The following ATP10B variants were observed in gnomAD, a reference collection of about 807,000 sequenced individuals.
ATP10B encodes ATPase phospholipid transporting 10B (putative).
In ATP10B, 122 loss-of-function variants were observed where a neutral mutation model predicts 141.2. The ratio of observed to expected loss-of-function variants is 0.86; its 90% CI spans 0.75 to 1.00. The LOEUF is 1.00. Among genes scored for constraint, ATP10B ranks in the 50% least tolerant of loss-of-function variants. The pLI is 0.00. For synonymous variants in ATP10B, 685 were observed against 692.0 expected, an observed-to-expected ratio of 0.99 and a Z score of 0.16; for missense variants, 1,876 against 1,825.3, an observed-to-expected ratio of 1.03 and a Z score of -0.51.
chr5:160,778,935 T>A (rs1002885323), intron 2 of ATP10B, among the ~76,000 whole-genome samples: 13 of 152,130 alleles, frequency 8.5e-5, no homozygotes, highest in Non-Finnish European at 1.6e-4. Context: ...AGTTCATCAC[T>A]TGCAAAAATG....
At chr5:160,783,303 C>T (rs1396390595) in intron 2 of ATP10B, among the ~76,000 whole-genome samples, 2 of 151,146 alleles carry the variant, frequency 1.3e-5, no homozygotes, top group African/African-American at 4.9e-5. Context: ...TTCACTTAGA[C>T]TAATAGTCTC....
the ATP10B span, among the ~76,000 whole-genome samples, chr5:160,894,749 C>T: frequency 2.6e-5 from 4 of 152,186 alleles, no homozygotes; most frequent in East Asian, 3.9e-4. Context: ...GATGCATAAT[C>T]GCCAGATTCA....
Position 160,622,334 on chromosome 5 carries a change from C to A in ATP10B, c.1812+60G>T, listed in dbSNP as rs930478551. The A allele has an allele frequency of 4.0e-6, 6 of 1,509,040 alleles. No homozygotes were observed. The Admixed American group carries it at 1.4e-4, about 35-fold the overall frequency. The allele number at this position is 1,509,040 out of a possible 1,614,324, so 93.5% of individuals were successfully genotyped here. A position where few individuals can be genotyped will look rare whatever the true frequency, so the allele number is the denominator to read the frequency against. The stretch of plus-strand genomic sequence containing the variant: ...ATCAGAACTTCTCCCCTCGCCCCTA[C>A]CCTGCCTTCTACTCCTCTACCTCCT... On this transcript the variant is annotated intron_variant, in intron 14 of 25. Transcript: ENST00000327245.
chr5:160,814,422 A>G (rs1183428423), intron 1 of ATP10B, among the ~76,000 whole-genome samples: 2 of 152,204 alleles, frequency 1.3e-5, no homozygotes, highest in African/African-American at 2.4e-5. Context: ...AAGTGAGAAG[A>G]GAAGTTTAGA....
intron 2 of ATP10B, among the ~76,000 whole-genome samples, chr5:160,769,412 T>G (rs1308787322): frequency 1.3e-5 from 2 of 152,216 alleles, no homozygotes; most frequent in Non-Finnish European, 2.9e-5. Flanking sequence ...CCCACACAAT[T>G]GCTCTATTAA....
chr5:160,797,874 T>G (rs1427503861), intron 1 of ATP10B, among the ~76,000 whole-genome samples: 1 of 150,644 alleles, frequency 6.6e-6, no homozygotes, highest in Non-Finnish European at 1.5e-5. Context: ...GAGAATCGCT[T>G]GAGCCCAGGA....
chr5:160,830,259 A>G (rs1774966084), intron 1 of ATP10B, among the ~76,000 whole-genome samples: 1 of 152,124 alleles, frequency 6.6e-6, no homozygotes. Flanking sequence ...ATATATGTTG[A>G]ATCAAATTGC....
At chr5:160,872,198 C>T in the ATP10B span, among the ~76,000 whole-genome samples, 8 of 152,074 alleles carry the variant, frequency 5.3e-5, no homozygotes, top group African/African-American at 1.9e-4. Flanking sequence ...CTTTTGAGAA[C>T]TGGCTATTCA....
At chr5:160,767,635 A>ACC (rs531198402) in intron 2 of ATP10B, among the ~76,000 whole-genome samples, 970 of 86,662 alleles carry the variant, frequency 0.011, 68 homozygotes, top group African/African-American at 0.035. Context: ...TGTGTGCAGA[A>ACC]CCCCCCCCCC....
chr5:160,729,732 AT>A, intron 2 of ATP10B, among the ~76,000 whole-genome samples: 1 of 152,284 alleles, frequency 6.6e-6, no homozygotes, highest in East Asian at 1.9e-4. Flanking sequence ...AGACACAGAG[AT>A]TTGAACTATA....
chr5:160,689,405 G>A (rs1450466786), intron 3 of ATP10B, among the ~76,000 whole-genome samples: 1 of 152,116 alleles, frequency 6.6e-6, no homozygotes, highest in East Asian at 1.9e-4. Flanking sequence ...AGAAATAAAG[G>A]TATTCGAATA....
At chr5:160,628,203 G>GA in intron 13 of ATP10B, among the ~76,000 whole-genome samples, 1 of 152,294 alleles carries the variant, frequency 6.6e-6, no homozygotes, top group East Asian at 1.9e-4. Flanking sequence ...TAAGCCCAAA[G>GA]AAAAAAACTC....
intron 13 of ATP10B, among the ~76,000 whole-genome samples, chr5:160,624,797 T>A (rs1164922853): frequency 6.6e-6 from 1 of 152,216 alleles, no homozygotes; most frequent in African/African-American, 2.4e-5. Context: ...CCTAGTGAGT[T>A]AGTGTAAAGC....
At chr5:160,834,927 T>C (rs914636099) in intron 1 of ATP10B, among the ~76,000 whole-genome samples, 9 of 152,146 alleles carry the variant, frequency 5.9e-5, no homozygotes, top group Non-Finnish European at 1.2e-4. Flanking sequence ...CAGATGTTTA[T>C]GCCTGCAACA....
chr5:160,565,790 CTCCAACTCT>C lies in ATP10B; in HGVS notation c.4040_4048del (p.Gln1347_Trp1349del). The C allele has an allele frequency of 6.2e-7, 1 of 1,614,086 alleles. No homozygotes were observed. The highest frequency in any genetic ancestry group is 8.5e-7 in the Non-Finnish European group (1 of 1,179,986). On this transcript the variant is annotated inframe_deletion, in exon 26 of 26. Coordinates refer to ENST00000327245, the MANE Select transcript of ATP10B (RefSeq NM_025153.3). ...GACAGGGGCAGGCCTCTGTCTGCTT[CTCCAACTCT>C]GGATTTCCAGGTTTCTTTTGTCTGG...
intron 2 of ATP10B, among the ~76,000 whole-genome samples, chr5:160,779,049 G>A (rs1304663451): frequency 6.6e-6 from 1 of 152,182 alleles, no homozygotes; most frequent in Non-Finnish European, 1.5e-5. Context: ...GAATTACATA[G>A]GAGGTGTGCA....
rs60078265 is a variant in ATP10B at position 160,823,001 on chromosome 5, C to CAT, written c.-576+28938_-576+28939dup. ...AAAATTACATATACATATATATATA[C>CAT]ATATATATATATATATATATATATA... is the stretch of plus-strand genomic sequence containing the variant. On this transcript the variant is annotated intron_variant, in intron 1 of 25. Transcript: ENST00000327245. Among the ~76,000 whole-genome samples, 136 of 34,478 alleles carry CAT rather than the reference C, an allele frequency of 3.9e-3. 1 individual carries two copies. Among genetic ancestry groups the CAT allele is most frequent in the African/African-American group, 0.012 (128 of 10,704 alleles). The allele number at this position is 34,478 out of a possible 152,430, so 22.6% of individuals were successfully genotyped here.
intron 1 of ATP10B, among the ~76,000 whole-genome samples, chr5:160,827,506 TCTTG>T (rs921847674): frequency 2.6e-5 from 4 of 152,344 alleles, no homozygotes; most frequent in Non-Finnish European, 5.9e-5. Flanking sequence ...TGAGATTGTT[TCTTG>T]CTTGTTAAGT....
the ATP10B span, among the ~76,000 whole-genome samples, chr5:160,913,411 G>C: frequency 6.6e-6 from 1 of 152,100 alleles, no homozygotes. Context: ...GGCCACACTG[G>C]CACTAGAAGC....
Sources: gnomAD v4.1 joint callset for allele counts (sites outside exome capture counted in the v4.1 genomes callset) on GRCh38, gnomAD v4.1.1 for gene constraint, MANE v1.5 for transcripts, NCBI Gene and HGNC (gene_info 2026-07-23, HGNC 2026-07-21) for gene names.